ARFGAP3: variants seen among roughly 807,000 people sequenced by gnomAD.
ARFGAP3 encodes the protein ARF GTPase activating protein 3, also known as ADP-ribosylation factor GTPase-activating protein 3.
Under a neutral mutation model 75.0 loss-of-function variants are expected in ARFGAP3, and 72 were observed. That is an observed-to-expected ratio of 0.96 (90% CI 0.79 to 1.17). The LOEUF is 1.17. Ranked by LOEUF, ARFGAP3 falls within the 50% of genes most tolerant of loss-of-function variation. ARFGAP3 has a pLI of 0.00. For synonymous variants in ARFGAP3, 221 were observed against 217.9 expected, an observed-to-expected ratio of 1.01 and a Z score of -0.13; for missense variants, 620 against 626.6, an observed-to-expected ratio of 0.99 and a Z score of 0.11.
At position 42,803,966 on chromosome 22, in the gene ARFGAP3, C is replaced by T. The variant is rs560629914; in HGVS notation, c.1411+3107G>A. Among the ~76,000 whole-genome samples, 45 of 144,286 alleles carry T rather than the reference C, an allele frequency of 3.1e-4. No individual in the cohort carries two copies. The South Asian group carries it at 9.5e-3, about 31-fold the overall frequency. 94.7% of individuals were successfully genotyped at this position (144,286 alleles called of 152,430 possible). On this transcript the variant is annotated intron_variant, in intron 14 of 15. Coordinates refer to ENST00000263245, the MANE Select transcript of ARFGAP3 (RefSeq NM_014570.5). Reference sequence around the variant, plus strand: ...TCACCCAGGCTGGAGTGCAGTGGCACGATCTCAGATCACTGTAACCTCTGC... The same window carrying T: ...TCACCCAGGCTGGAGTGCAGTGGCATGATCTCAGATCACTGTAACCTCTGC...
intron 11 of ARFGAP3, among the ~76,000 whole-genome samples, chr22:42,816,582 G>A (rs1925589771): frequency 6.6e-6 from 1 of 152,200 alleles, no homozygotes; most frequent in Admixed American, 6.5e-5. Flanking sequence ...GCTCTCCACA[G>A]TCAGCTTCAC....
chr22:42,842,983 C>T (rs1443976469), intron 2 of ARFGAP3, among the ~76,000 whole-genome samples: 3 of 152,042 alleles, frequency 2.0e-5, no homozygotes, highest in South Asian at 4.2e-4. Flanking sequence ...ACGGCAGGTC[C>T]TAGTATTCTC....
chr22:42,845,179 T>C (rs1032073808), intron 2 of ARFGAP3, among the ~76,000 whole-genome samples: 3 of 152,236 alleles, frequency 2.0e-5, no homozygotes, highest in Admixed American at 6.5e-5. Flanking sequence ...CTAGTCTTCA[T>C]CTGCTCTGGG....
At chr22:42,829,883 A>T (rs533660710) in intron 6 of ARFGAP3, among the ~76,000 whole-genome samples, 9 of 152,320 alleles carry the variant, frequency 5.9e-5, no homozygotes, top group Admixed American at 4.6e-4. Flanking sequence ...AAGAGTAAAG[A>T]AGAAATTCTA....
chr22:42,821,135 G>C (rs918900559), intron 9 of ARFGAP3, among the ~76,000 whole-genome samples: 1 of 152,128 alleles, frequency 6.6e-6, no homozygotes, highest in Non-Finnish European at 1.5e-5. Context: ...CAGAACCTCT[G>C]GAGACACGAC....
chr22:42,845,670 A>G (rs1175540689), intron 2 of ARFGAP3, among the ~76,000 whole-genome samples: 1 of 152,218 alleles, frequency 6.6e-6, no homozygotes, highest in Non-Finnish European at 1.5e-5. Context: ...CTTACCTGAC[A>G]TTGTGAACAA....
chr22:42,852,484 C>T (rs980990862), intron 1 of ARFGAP3, among the ~76,000 whole-genome samples: 5 of 151,768 alleles, frequency 3.3e-5, no homozygotes, highest in African/African-American at 7.3e-5. Context: ...CTCAGCCTCC[C>T]GAGTAGTTGG....
chr22:42,825,390 T>A (rs1161523716), intron 7 of ARFGAP3, among the ~76,000 whole-genome samples: 1 of 152,174 alleles, frequency 6.6e-6, no homozygotes, highest in Non-Finnish European at 1.5e-5. Flanking sequence ...TAAAGCATCC[T>A]CGGCCAGGCA....
chr22:42,810,546 C>A (rs1055121633), intron 12 of ARFGAP3, among the ~76,000 whole-genome samples: 2 of 152,112 alleles, frequency 1.3e-5, no homozygotes, highest in Admixed American at 1.3e-4. Flanking sequence ...ACTAGTCTTA[C>A]AAAAGGTTTC....
chr22:42,856,781 G>A (rs936166656), intron 1 of ARFGAP3, among the ~76,000 whole-genome samples: 9 of 151,140 alleles, frequency 6.0e-5, no homozygotes, highest in Admixed American at 5.3e-4. Flanking sequence ...TCCTCGCAGC[G>A]CCCCCGAGGA....
At chr22:42,824,553 G>C (rs1211531589) in intron 7 of ARFGAP3, among the ~76,000 whole-genome samples, 23 of 149,506 alleles carry the variant, frequency 1.5e-4, no homozygotes, top group Admixed American at 1.3e-3. Flanking sequence ...GTAGACATCA[G>C]GGGAGCTCAC....
chr22:42,844,473 T>C (rs1926919328), intron 2 of ARFGAP3, among the ~76,000 whole-genome samples: 1 of 151,762 alleles, frequency 6.6e-6, no homozygotes, highest in African/African-American at 2.4e-5. Flanking sequence ...TAATCCCAGC[T>C]ACTTCGGAGG....
intron 11 of ARFGAP3, among the ~76,000 whole-genome samples, chr22:42,813,209 G>A (rs1489581049): frequency 6.6e-6 from 1 of 152,226 alleles, no homozygotes; most frequent in Non-Finnish European, 1.5e-5. Flanking sequence ...CTGCCCTCAT[G>A]AGGCTTGGGA....
At chr22:42,831,286 CAAAAA>C (rs560803857) in intron 6 of ARFGAP3, among the ~76,000 whole-genome samples, 1 of 72,654 alleles carries the variant, frequency 1.4e-5, no homozygotes. Context: ...GACTTAGTCT[CAAAAA>C]AAAAAAAAAA....
chr22:42,803,874 C>T (rs1262407792), intron 14 of ARFGAP3, among the ~76,000 whole-genome samples: 3 of 151,116 alleles, frequency 2.0e-5, no homozygotes, highest in Non-Finnish European at 3.0e-5. Flanking sequence ...TGTTTCCTTC[C>T]TTCCTTCCTT....
chr22:42,848,052 T>C (rs1927101148), intron 1 of ARFGAP3, among the ~76,000 whole-genome samples: 1 of 150,726 alleles, frequency 6.6e-6, no homozygotes, highest in Non-Finnish European at 1.5e-5. Context: ...TTAGTAGAGA[T>C]GGGGTTTTAC....
chr22:42,812,224 C>CAAAAA lies in ARFGAP3; in HGVS notation c.1065-1285_1065-1281dup, dbSNP rs3046479. ...TGGGTGACAGAGTGGGATACTGTCT[C>CAAAAA]AAAAAAAAAAAAAAAAAAAAAAAGG... On this transcript the variant is annotated intron_variant, in intron 11 of 15. Transcript: ENST00000263245. Among the ~76,000 whole-genome samples, 102 of 56,616 alleles carry CAAAAA rather than the reference C, an allele frequency of 1.8e-3. 3 individuals carry two copies. Among genetic ancestry groups the CAAAAA allele is most frequent in the African/African-American group, 6.3e-3 (92 of 14,500 alleles). The allele number at this position is 56,616 out of a possible 152,430, so 37.1% of individuals were successfully genotyped here.
At chr22:42,810,990 C>G (rs1925346760) in intron 11 of ARFGAP3, 46 bp from the exon 12 acceptor site, 1 of 1,601,244 alleles carries the variant, frequency 6.2e-7, no homozygotes, top group Non-Finnish European at 8.5e-7. Context: ...TCCTTGTTGA[C>G]ACTCGTCCTG....
At position 42,822,177 on chromosome 22, in the gene ARFGAP3, C is replaced by G. The variant is rs138100248; in HGVS notation, c.812+93G>C. 1.1e-3 allele frequency: 1,091 copies of G among 1,032,170 alleles called. 19 individuals carry two copies. The African/African-American group carries it at 0.015, about 15-fold the overall frequency. The allele number at this position is 1,032,170 out of a possible 1,614,324, so 63.9% of individuals were successfully genotyped here. ...ATTTTGCAGTACCCTCCCTTCCCCC[C>G]CCACACAAAAATACATGGCATTTGG... On this transcript the variant is annotated intron_variant, in intron 9 of 15. Transcript: ENST00000263245.
Sources: gnomAD v4.1 joint callset for allele counts (sites outside exome capture counted in the v4.1 genomes callset) on GRCh38, gnomAD v4.1.1 for gene constraint, MANE v1.5 for transcripts, NCBI Gene and HGNC (gene_info 2026-07-23, HGNC 2026-07-21) for gene names.